The following FAM193B variants were observed in gnomAD, a reference collection of about 807,000 sequenced individuals.
FAM193B encodes the protein protein FAM193B.
FAM193B carries 27 observed loss-of-function variants against 70.7 expected under a neutral mutation model. The observed-to-expected ratio is 0.38, with a 90% CI of 0.28 to 0.53. The LOEUF (loss-of-function observed/expected upper bound fraction) is 0.53. Ranked by LOEUF, FAM193B falls within the 20% of genes least tolerant of loss-of-function variation. The pLI is 0.81. For synonymous variants in FAM193B, 448 were observed against 436.0 expected (o/e 1.03, Z -0.34); for missense variants, 1,022 against 1,072.5 (o/e 0.95, Z 0.66).
chr5:177,554,077 G>A (rs1766703817), intron 1 of FAM193B, 172 bp downstream of exon 1: 7 of 1,371,848 alleles, frequency 5.1e-6, no homozygotes, highest in Non-Finnish European at 4.7e-6. Context: ...TTGGGGAGAG[G>A]GGTCCAGCCT....
At position 177,538,977 on chromosome 5, in the gene FAM193B, C is replaced by G; in HGVS notation, c.381G>C (p.Leu127=). The change falls in exon 2 of 9, where the codon CTG becomes CTC. Residue 127 remains leucine (L), a synonymous_variant. Transcript: ENST00000514747. The surrounding 1 kb of genome is among the most constrained non-coding windows in gnomAD (Gnocchi z 4.1). ...LVKNLLGEMP[L]WVCQSCRKSM... ...TCTTTCGGCAACTCTGGCAGACCCA[C>G]AGAGGCATCTCGCCTAGGAGATTCT... The G allele has an allele frequency of 1.2e-6, 2 of 1,614,086 alleles. No individual in the cohort carries two copies. The highest frequency in any genetic ancestry group is 1.7e-6 in the Non-Finnish European group (2 of 1,179,912).
intron 5 of FAM193B, among the ~76,000 whole-genome samples, chr5:177,530,634 C>G (rs1763305397): frequency 6.6e-6 from 1 of 152,158 alleles, no homozygotes; most frequent in Non-Finnish European, 1.5e-5. Flanking sequence ...CAGGTGTGAC[C>G]AAGTGCATGC....
intron 5 of FAM193B, among the ~76,000 whole-genome samples, chr5:177,530,070 G>A (rs546172010): frequency 6.6e-6 from 1 of 152,302 alleles, no homozygotes; most frequent in South Asian, 2.1e-4. Context: ...TTCGGATGCT[G>A]GGCTCCTAAA....
At chr5:177,554,158 G>A in intron 1 of FAM193B, 91 bp downstream of exon 1, 1 of 1,452,754 alleles carries the variant, frequency 6.9e-7, no homozygotes, top group Non-Finnish European at 9.1e-7. Flanking sequence ...GCCGCGGCAG[G>A]ATGGCCCATC....
At chr5:177,533,099 G>A (rs920553936) in intron 4 of FAM193B, among the ~76,000 whole-genome samples, 1 of 152,176 alleles carries the variant, frequency 6.6e-6, no homozygotes, top group Admixed American at 6.5e-5. Context: ...GAACCCATTA[G>A]TGGGCTGAAG....
At chr5:177,534,882 G>C (rs1763998400) in intron 4 of FAM193B, among the ~76,000 whole-genome samples, 1 of 152,132 alleles carries the variant, frequency 6.6e-6, no homozygotes, top group Non-Finnish European at 1.5e-5. Context: ...CCTCCCAAAG[G>C]GCTGGGATTA....
chr5:177,526,414 C>T (rs111993306), intron 5 of FAM193B, among the ~76,000 whole-genome samples: 4,543 of 152,190 alleles, frequency 0.03, 261 homozygotes, highest in African/African-American at 0.1. Context: ...GCAGCAGCTG[C>T]AGCAGCATTT....
At chr5:177,520,597 C>G (rs1333465053) in intron 8 of FAM193B, among the ~76,000 whole-genome samples, 1 of 152,134 alleles carries the variant, frequency 6.6e-6, no homozygotes, top group Non-Finnish European at 1.5e-5. Context: ...GAGGCCAGAC[C>G]AGGTGAAAAA....
intron 1 of FAM193B, among the ~76,000 whole-genome samples, chr5:177,540,518 C>G (rs1017564912): frequency 1.8e-4 from 27 of 152,246 alleles, no homozygotes; most frequent in African/African-American, 6.5e-4. Flanking sequence ...AGCCATAAAC[C>G]TGAAAGGTGT....
At position 177,536,717 on chromosome 5, in the gene FAM193B, G is replaced by A. The variant is rs749496822; in HGVS notation, c.717C>T (p.His239=). 18 of 1,560,418 alleles carry A rather than the reference G, an allele frequency of 1.2e-5. No homozygotes were observed. Among genetic ancestry groups the A allele is most frequent in the Non-Finnish European group, 1.6e-5 (18 of 1,154,128 alleles). The part of the protein sequence containing the change: ...PGEAFPVSEH[H]QHSDLTAPPN... ...GGGGAGCAGTGAGGTCTGAGTGCTG[G>A]TGGTGCTCCGAGACGGGGAAAGCCT... Residue 239 remains histidine (H), a synonymous_variant, in exon 4 of 9, where the codon CAC becomes CAT. Coordinates refer to ENST00000514747, the MANE Select transcript of FAM193B (RefSeq NM_001190946.3).
intron 1 of FAM193B, chr5:177,553,926 G>T: frequency 2.7e-5 from 33 of 1,225,172 alleles, no homozygotes; most frequent in Non-Finnish European, 3.4e-5. Context: ...GTGGCGGGCC[G>T]AGAGCGGAGC....
At chr5:177,526,464 A>G (rs1020105012) in intron 5 of FAM193B, among the ~76,000 whole-genome samples, 2 of 152,088 alleles carry the variant, frequency 1.3e-5, no homozygotes, top group African/African-American at 2.4e-5. Context: ...GGTTGGACCA[A>G]CGAGGACCAA....
At chr5:177,549,498 T>C (rs1765920189) in intron 1 of FAM193B, among the ~76,000 whole-genome samples, 1 of 152,208 alleles carries the variant, frequency 6.6e-6, no homozygotes, top group Non-Finnish European at 1.5e-5. Flanking sequence ...CAGCCTGGAT[T>C]GTCATTTTAT....
At chr5:177,547,387 C>G (rs924152840) in intron 1 of FAM193B, among the ~76,000 whole-genome samples, 2 of 145,732 alleles carry the variant, frequency 1.4e-5, no homozygotes, top group African/African-American at 5.1e-5. Flanking sequence ...CGGGTTCACG[C>G]CATTCTCCTG....
intron 5 of FAM193B, among the ~76,000 whole-genome samples, chr5:177,529,260 G>A (rs1030682563): frequency 6.8e-6 from 1 of 147,744 alleles, no homozygotes; most frequent in African/African-American, 2.5e-5. Flanking sequence ...AGGTGAGAGT[G>A]TCACGGGCTG....
chr5:177,544,121 C>T (rs1037901155), intron 1 of FAM193B, among the ~76,000 whole-genome samples: 7 of 152,208 alleles, frequency 4.6e-5, no homozygotes, highest in Non-Finnish European at 1.0e-4. Flanking sequence ...GATAATTTTT[C>T]TTCACTCTAA....
intron 5 of FAM193B, among the ~76,000 whole-genome samples, chr5:177,526,476 G>T (rs967095268): frequency 2.6e-5 from 4 of 151,920 alleles, no homozygotes; most frequent in Admixed American, 2.0e-4. Context: ...GAGGACCAAG[G>T]GCCCTTCACC....
In FAM193B at chr5:177,536,564, A is replaced by G; in HGVS notation, c.870T>C (p.Ala290=). The G allele has an allele frequency of 6.5e-7, 1 of 1,536,814 alleles. No homozygotes were observed. Among genetic ancestry groups the G allele is most frequent in the Non-Finnish European group, 8.7e-7 (1 of 1,149,608 alleles). ...TGGCAGCAGCAACAGGGCACTCTGA[A>G]GCCTGGGCAGGGAAAGGTGCTGCCG... ...TTPAAPFPAQ[A]SECPVAAATA... Residue 290 remains alanine (A), a synonymous_variant, in exon 4 of 9, where the codon GCT becomes GCC. Coordinates refer to ENST00000514747, the MANE Select transcript of FAM193B (RefSeq NM_001190946.3).
chr5:177,539,245 C>T (rs1764564315), intron 1 of FAM193B, 98 bp from the exon 2 acceptor site: 7 of 1,403,718 alleles, frequency 5.0e-6, no homozygotes, highest in Admixed American at 5.3e-5. Context: ...ACGTGCCAGG[C>T]ACTGGGTTAG....
Sources: allele counts gnomAD v4.1 joint callset (sites outside exome capture counted in the v4.1 genomes callset), GRCh38; gene constraint gnomAD v4.1.1; non-coding constraint Gnocchi (gnomAD v3.1); transcripts MANE v1.5; gene names NCBI Gene and HGNC (gene_info 2026-07-23, HGNC 2026-07-21).